Variants in POLRMT observed in about 807,000 individuals in gnomAD.
The protein encoded by POLRMT is RNA polymerase mitochondrial, also known as DNA-directed RNA polymerase, mitochondrial.
In POLRMT, 114 loss-of-function variants were observed where a neutral mutation model predicts 132.2. That is an observed-to-expected ratio of 0.86 (90% confidence interval 0.74 to 1.01). POLRMT has a LOEUF of 1.01. Ranked by LOEUF, POLRMT falls within the 50% of genes least tolerant of loss-of-function variation. POLRMT has a pLI of 0.00. For synonymous variants in POLRMT, 1,020 were observed against 773.4 expected (o/e 1.32, Z -5.29); for missense variants, 2,003 against 1,729.1 (o/e 1.16, Z -2.81).
rs1984542146 is a variant in POLRMT at position 621,118 on chromosome 19, GCGCTTCCGCAGCGGCTCC to G, written c.2562_2579del (p.Glu855_Arg860del). On this transcript the variant is annotated inframe_deletion, in exon 10 of 21. Coordinates refer to ENST00000588649, the MANE Select transcript of POLRMT (RefSeq NM_005035.4). ...CCATCACCTCCTCCGCAAAGGCCAG[GCGCTTCCGCAGCGGCTCC>G]CGCTTCTTCAACCCCGTGAGATTGA... is the stretch of plus-strand genomic sequence containing the variant. The G allele has an allele frequency of 6.2e-7, 1 of 1,610,820 alleles. No homozygotes were observed. The highest frequency in any genetic ancestry group is 1.7e-5 in the Admixed American group (1 of 59,926).
intron 15 of POLRMT, 104 bp downstream of exon 15, chr19:618,870 CGCGGGATGGGGTGGCACACTGGG>C (rs1443419645): frequency 5.7e-6 from 8 of 1,395,214 alleles, no homozygotes; most frequent in Middle Eastern, 2.5e-4. Context: ...GGCACACTGG[CGCGGGATGGGGTGGCACACTGGG>C]GCGGTGGTAC....
intron 6 of POLRMT, 105 bp from the exon 7 acceptor site, chr19:623,090 A>G: frequency 7.4e-7 from 1 of 1,358,068 alleles, no homozygotes; most frequent in Non-Finnish European, 9.9e-7. Context: ...ATGGCCCTCA[A>G]GGTCCCTGCT....
At chr19:618,424 G>C in intron 17 of POLRMT, 64 bp downstream of exon 17, 4 of 1,298,744 alleles carry the variant, frequency 3.1e-6, no homozygotes, top group Non-Finnish European at 4.3e-6. Flanking sequence ...TGCCAGCTGT[G>C]CCCTGCTAGC....
Position 619,821 on chromosome 19 carries a change from A to G in POLRMT, c.2887-56T>C, listed in dbSNP as rs1600560637. 9 of 1,549,898 alleles carry G rather than the reference A, an allele frequency of 5.8e-6. No homozygotes were observed. The East Asian group carries it at 2.0e-4, about 35-fold the overall frequency. ...CAGCCCCGCTAGCAGCCCAGGGGCC[A>G]CCAAGCACCCATGAAGCCCCCGCCC... On this transcript the variant is annotated intron_variant, in intron 12 of 20. Coordinates refer to ENST00000588649, the MANE Select transcript of POLRMT (RefSeq NM_005035.4).
At chr19:625,341 C>T in intron 3 of POLRMT, 87 bp from the exon 4 acceptor site, 1 of 1,557,950 alleles carries the variant, frequency 6.4e-7, no homozygotes, top group Admixed American at 1.7e-5. Flanking sequence ...TCTCTGTAGC[C>T]ACCAGCTCAG....
chr19:626,344 G>C (rs904527302), intron 3 of POLRMT, among the ~76,000 whole-genome samples: 2 of 151,146 alleles, frequency 1.3e-5, no homozygotes, highest in African/African-American at 4.9e-5. Flanking sequence ...AGTAGAGATG[G>C]GGTTTCGCCC....
chr19:621,437 C>G lies in POLRMT; in HGVS notation c.2261G>C (p.Arg754Pro). 1.4e-6 allele frequency: 2 copies of G among 1,445,632 alleles called. No individual in the cohort carries two copies. Among genetic ancestry groups the G allele is most frequent in the South Asian group, 1.4e-5 (1 of 73,864 alleles). 89.6% of individuals were successfully genotyped at this position (1,445,632 alleles called of 1,614,324 possible). Reference sequence around the variant, plus strand: ...CAGCTCACGGCGCAGCTCGGCCTTGCGGGCGGGCGCGGCGCTGTGCGGCAG... The same window carrying G: ...CAGCTCACGGCGCAGCTCGGCCTTGGGGGCGGGCGCGGCGCTGTGCGGCAG... ...AHLPHSAAPA[R>P]KAELRRELAH... The change falls in exon 10 of 21, where the codon CGC becomes CCC. Residue 754 changes from arginine to proline, a missense_variant. Transcript: ENST00000588649.
intron 10 of POLRMT, 95 bp from the exon 11 acceptor site, chr19:620,582 G>A (rs1384157722): frequency 7.2e-5 from 100 of 1,394,524 alleles, no homozygotes; most frequent in Non-Finnish European, 8.7e-5. Context: ...ATGGGGAGGA[G>A]ACGCACACCC....
chr19:631,918 G>C (rs953803996), intron 2 of POLRMT, among the ~76,000 whole-genome samples: 1 of 152,138 alleles, frequency 6.6e-6, no homozygotes, highest in Non-Finnish European at 1.5e-5. Context: ...GGCACTGCAG[G>C]CGTTCACCAC....
chr19:622,535 C>T, intron 8 of POLRMT, 47 bp downstream of exon 8: 1 of 1,542,446 alleles, frequency 6.5e-7, no homozygotes, highest in Non-Finnish European at 8.8e-7. Context: ...GGAGAGCGCC[C>T]ACCCACCACT....
rs771954413 is a variant in POLRMT at position 627,147 on chromosome 19, C to CTTTTTTTTT, written c.823-1894_823-1893insAAAAAAAAA. ...GAGACCAGAGACATGAGTTTTGGGG[C>CTTTTTTTTT]ATTTTTTTTTTTTTTTTTTTTTGAG... On this transcript the variant is annotated intron_variant, in intron 3 of 20. Coordinates refer to ENST00000588649, the MANE Select transcript of POLRMT (RefSeq NM_005035.4). Among the ~76,000 whole-genome samples, 2 of 131,242 alleles carry CTTTTTTTTT rather than the reference C, an allele frequency of 1.5e-5. 1 individual carries two copies. The allele number at this position is 131,242 out of a possible 152,430, so 86.1% of individuals were successfully genotyped here.
rs1192499490 is a variant in POLRMT, at chr19:623,377, C to T, written c.1290+77G>A. Reference sequence around the variant, plus strand: ...AGCCCCTGCGGCGGACACGGGACCCCGGCTCAGCCCGTGCGGTGGACACGC... The same window carrying T: ...AGCCCCTGCGGCGGACACGGGACCCTGGCTCAGCCCGTGCGGTGGACACGC... On this transcript the variant is annotated intron_variant, in intron 6 of 20. Coordinates refer to ENST00000588649, the MANE Select transcript of POLRMT (RefSeq NM_005035.4). The T allele has an allele frequency of 6.4e-6, 10 of 1,562,222 alleles. No homozygotes were observed. In the East Asian group the frequency reaches 6.8e-5, roughly 11 times the overall value.
rs747147041 is a variant in POLRMT, at chr19:618,594, C to T, written c.3324-8G>A. 14 of 1,608,832 alleles carry T rather than the reference C, an allele frequency of 8.7e-6. No individual in the cohort carries two copies. Among genetic ancestry groups the T allele is most frequent in the Middle Eastern group, 3.3e-4 (2 of 6,064 alleles). ...TTACGTGTGTTGGGCTTTCTGAGGA[C>T]GGAACAGGTGCCGGTGGGGGCGGCC... On this transcript the variant is annotated splice_region_variant and splice_polypyrimidine_tract_variant and intron_variant, in intron 16 of 20. Transcript: ENST00000588649.
chr19:623,892 C>T (rs1984828175), intron 5 of POLRMT, among the ~76,000 whole-genome samples: 1 of 152,188 alleles, frequency 6.6e-6, no homozygotes, highest in Admixed American at 6.5e-5. Context: ...CCGTTCACTG[C>T]ACCCCCAGAT....
In POLRMT at chr19:617,552, G is replaced by T. The variant is rs113661918; in HGVS notation, c.3581+18C>A. On this transcript the variant is annotated intron_variant, in intron 19 of 20. Transcript: ENST00000588649. ...GTGGGGGGGGAATCCAGGTAGTTGGGGTCAGGGAGCGCCTTACTCAGAGCA... is the reference window on the plus strand; with the variant it reads ...GTGGGGGGGGAATCCAGGTAGTTGGTGTCAGGGAGCGCCTTACTCAGAGCA... 70 of 1,610,916 alleles carry T rather than the reference G, an allele frequency of 4.3e-5. No individual in the cohort carries two copies. The highest frequency in any genetic ancestry group is 5.7e-5 in the Non-Finnish European group (67 of 1,179,738).
chr19:623,730 C>A, intron 5 of POLRMT, 127 bp from the exon 6 acceptor site: 2 of 1,135,804 alleles, frequency 1.8e-6, no homozygotes, highest in Non-Finnish European at 2.5e-6. Context: ...ATCGCTGACG[C>A]GGGGAAAGGC....
In POLRMT at chr19:619,172, A is replaced by T. The variant is rs759450393; in HGVS notation, c.3153+38T>A. 22 of 1,610,032 alleles carry T rather than the reference A, an allele frequency of 1.4e-5. No individual in the cohort carries two copies. In the East Asian group the frequency reaches 4.9e-4, roughly 36 times the overall value. ...GGCCGGGGATCCCGTCCACTTGCTT[A>T]GGGAGTCCTGGCCGAGCGGGGACAG... On this transcript the variant is annotated intron_variant, in intron 14 of 20. Transcript: ENST00000588649.
intron 3 of POLRMT, chr19:625,610 G>T (rs1042861515): frequency 5.0e-6 from 1 of 200,766 alleles, no homozygotes; most frequent in Non-Finnish European, 1.0e-5. Context: ...TTTAATCTTT[G>T]TAACTTCCTC....
Position 617,788 on chromosome 19 carries a change from C to T in POLRMT, c.3484G>A (p.Val1162Ile), listed in dbSNP as rs752702101. ...GACTACGGGGGCACCTGGTTCATGA[C>T]GGAGACATCAGCTGCGTGAGTCCAG... ...CYWTHAADVSVMNQVCREQFV... is the reference protein window; with the variant it reads ...CYWTHAADVSIMNQVCREQFV... Residue 1162 changes from valine to isoleucine, a missense_variant, in exon 18 of 21, where the codon GTC becomes ATC. Coordinates refer to ENST00000588649, the MANE Select transcript of POLRMT (RefSeq NM_005035.4). 7.3e-5 allele frequency: 117 copies of T among 1,613,212 alleles called. No homozygotes were observed. The highest frequency in any genetic ancestry group is 2.2e-4 in the South Asian group (20 of 91,082).
Sources: allele counts gnomAD v4.1 joint callset (sites outside exome capture counted in the v4.1 genomes callset), GRCh38; gene constraint gnomAD v4.1.1; transcripts MANE v1.5; gene names NCBI Gene and HGNC (gene_info 2026-07-23, HGNC 2026-07-21).